DTL: variants seen among roughly 807,000 people sequenced by gnomAD.
DTL encodes denticleless protein homolog.
DTL carries 46 observed loss-of-function variants against 87.0 expected under a neutral mutation model. The observed-to-expected ratio is 0.53, with a 90% confidence interval of 0.42 to 0.68. The LOEUF is 0.68. Among genes scored for constraint, DTL ranks in the 30% least tolerant of loss-of-function variants. The pLI is 0.00. For synonymous variants in DTL, 308 were observed against 311.2 expected (o/e 0.99, Z 0.11); for missense variants, 737 against 869.4 (o/e 0.85, Z 1.91).
At chr1:212,044,158 A>AG (rs1667739724) in intron 2 of DTL, among the ~76,000 whole-genome samples, 1 of 152,348 alleles carries the variant, frequency 6.6e-6, no homozygotes, top group East Asian at 1.9e-4. Context: ...GGTTAAAAAA[A>AG]CTAATAGACT....
chr1:212,060,742 A>AG (rs1182198841), intron 5 of DTL, among the ~76,000 whole-genome samples: 1 of 152,020 alleles, frequency 6.6e-6, no homozygotes, highest in Non-Finnish European at 1.5e-5. Context: ...CTCAAAAAAA[A>AG]AAAAAAAAAA....
At chr1:212,053,154 A>T (rs1256625963) in intron 5 of DTL, among the ~76,000 whole-genome samples, 1 of 152,054 alleles carries the variant, frequency 6.6e-6, no homozygotes, top group Non-Finnish European at 1.5e-5. Flanking sequence ...TTCAAATTGA[A>T]TGATTTCTAT....
intron 5 of DTL, among the ~76,000 whole-genome samples, chr1:212,048,440 C>T (rs1288575977): frequency 6.6e-6 from 1 of 152,186 alleles, no homozygotes; most frequent in Non-Finnish European, 1.5e-5. Flanking sequence ...ATCCACCTGC[C>T]TCGGCCTCCT....
At chr1:212,065,119 C>G in intron 7 of DTL, 90 bp downstream of exon 7, 29 of 911,962 alleles carry the variant, frequency 3.2e-5, no homozygotes, top group Middle Eastern at 2.2e-4. Flanking sequence ...TGAGAATCTT[C>G]ATGATTCTCA....
At chr1:212,053,314 T>G (rs1041437512) in intron 5 of DTL, among the ~76,000 whole-genome samples, 1 of 152,120 alleles carries the variant, frequency 6.6e-6, no homozygotes, top group Non-Finnish European at 1.5e-5. Flanking sequence ...GTTGCCCAGA[T>G]TAGAGGGCAG....
Position 212,072,161 on chromosome 1 carries a change from A to G in DTL, c.983A>G (p.Asp328Gly). The change falls in exon 11 of 15, where the codon GAT (aspartate) becomes GGT (glycine). Residue 328 changes from aspartate (D) to glycine (G), a missense_variant. Coordinates refer to ENST00000366991, the MANE Select transcript of DTL (RefSeq NM_016448.4). ...TATGTAAAATCCAGCCTTAGTCCAGATGACCAGTTTTTAGTCAGTGGCTCA... is the reference window on the plus strand; with the variant it reads ...TATGTAAAATCCAGCCTTAGTCCAGGTGACCAGTTTTTAGTCAGTGGCTCA... ...TFYVKSSLSP[D>G]DQFLVSGSSD... is the part of the protein sequence containing the mutation. The G allele has an allele frequency of 6.2e-7, 1 of 1,614,088 alleles. No individual in the cohort carries two copies. The highest frequency in any genetic ancestry group is 8.5e-7 in the Non-Finnish European group (1 of 1,179,966).
chr1:212,093,632 C>T (rs1655354278), intron 13 of DTL, among the ~76,000 whole-genome samples: 1 of 152,196 alleles, frequency 6.6e-6, no homozygotes, highest in South Asian at 2.1e-4. Flanking sequence ...CCTGCCTATG[C>T]CTGTCAGTGT....
chr1:212,075,349 A>G (rs1654797002), intron 11 of DTL, among the ~76,000 whole-genome samples: 1 of 152,246 alleles, frequency 6.6e-6, no homozygotes, highest in African/African-American at 2.4e-5. Flanking sequence ...AAAGTAGAAT[A>G]TGTAAGAGAG....
intron 12 of DTL, among the ~76,000 whole-genome samples, chr1:212,079,394 A>G (rs1277897428): frequency 1.3e-5 from 2 of 152,120 alleles, no homozygotes; most frequent in African/African-American, 4.8e-5. Flanking sequence ...TCCTGTGCTC[A>G]AAGGAAATAG....
chr1:212,084,906 G>A (rs1655084849), intron 13 of DTL, among the ~76,000 whole-genome samples: 1 of 152,164 alleles, frequency 6.6e-6, no homozygotes, highest in Non-Finnish European at 1.5e-5. Context: ...AGATACCAAA[G>A]TCCACAGAAG....
At chr1:212,047,102 C>T in intron 3 of DTL, 49 bp from the exon 4 acceptor site, 1 of 1,540,454 alleles carries the variant, frequency 6.5e-7, no homozygotes, top group Non-Finnish European at 9.0e-7. Flanking sequence ...AATATGGGTA[C>T]CACAGAATAC....
At chr1:212,093,805 T>TGGGAAATGCAACATTTGGGC (rs1655361219) in intron 13 of DTL, among the ~76,000 whole-genome samples, 1 of 152,204 alleles carries the variant, frequency 6.6e-6, no homozygotes, top group Admixed American at 6.5e-5. Flanking sequence ...AAGGTGGTCT[T>TGGGAAATGCAACATTTGGGC]GGGAAATGCA....
intron 12 of DTL, 64 bp from the exon 13 acceptor site, chr1:212,080,550 GT>G: frequency 6.5e-7 from 1 of 1,528,786 alleles, no homozygotes; most frequent in Non-Finnish European, 8.9e-7. Context: ...AGACACACCT[GT>G]TTTTTAATGT....
intron 5 of DTL, among the ~76,000 whole-genome samples, 159 bp downstream of exon 5, chr1:212,047,576 A>G (rs1667843601): frequency 6.6e-6 from 1 of 152,252 alleles, no homozygotes; most frequent in Non-Finnish European, 1.5e-5. Flanking sequence ...TCTGTTGCCC[A>G]GGCTGGAGTG....
intron 10 of DTL, among the ~76,000 whole-genome samples, chr1:212,070,668 A>C (rs2102556363): frequency 6.6e-6 from 1 of 151,770 alleles, no homozygotes; most frequent in Non-Finnish European, 1.5e-5. Context: ...TCTTGTAATT[A>C]CTTGTCCTTT....
chr1:212,076,822 C>G (rs1432488431), intron 11 of DTL, among the ~76,000 whole-genome samples: 1 of 152,204 alleles, frequency 6.6e-6, no homozygotes, highest in Non-Finnish European at 1.5e-5. Context: ...AATGAATTAT[C>G]TCTGTGCCAT....
At position 212,100,798 on chromosome 1, in the gene DTL, T is replaced by TAGA; in HGVS notation, c.1810_1811insAAG (p.Leu603_Gly604insGlu). 1 of 1,614,188 alleles carries TAGA rather than the reference T, an allele frequency of 6.2e-7. No individual in the cohort carries two copies. Among genetic ancestry groups the TAGA allele is most frequent in the Non-Finnish European group, 8.5e-7 (1 of 1,180,014 alleles). On this transcript the variant is annotated inframe_insertion, in exon 14 of 15. Transcript: ENST00000366991. ...CAGGAAGACCTTAGTAAGGACTCTC[T>TAGA]AGGTCCTACCAAATCAAGCAAAATT...
Position 212,062,905 on chromosome 1 carries a change from G to C in DTL, c.482G>C (p.Arg161Thr). The part of the protein sequence containing the change: ...FEKAVFCTGG[R>T]DGNIMVWDTR... ...ACAGCTGTATTCTGTACGGGTGGAA[G>C]AGATGGCAACATTATGGTCTGGGAT... The change falls in exon 6 of 15, where the codon AGA becomes ACA. Residue 161 changes from arginine to threonine, a missense_variant. Coordinates refer to ENST00000366991, the MANE Select transcript of DTL (RefSeq NM_016448.4). 6.2e-7 allele frequency: 1 copy of C among 1,613,752 alleles called. No homozygotes were observed. Among genetic ancestry groups the C allele is most frequent in the Non-Finnish European group, 8.5e-7 (1 of 1,179,694 alleles).
intron 13 of DTL, among the ~76,000 whole-genome samples, chr1:212,084,640 A>T (rs967665027): frequency 6.6e-6 from 1 of 152,034 alleles, no homozygotes; most frequent in African/African-American, 2.4e-5. Context: ...TGATTCTTTG[A>T]TATGTATGTC....
Sources: allele counts gnomAD v4.1 joint callset (sites outside exome capture counted in the v4.1 genomes callset), GRCh38; gene constraint gnomAD v4.1.1; transcripts MANE v1.5; gene names NCBI Gene and HGNC (gene_info 2026-07-23, HGNC 2026-07-21).